The following GLIS3 variants were observed in gnomAD, a reference collection of about 807,000 sequenced individuals.
GLIS3 encodes zinc finger protein GLIS3.
In GLIS3, 53 loss-of-function variants were observed where a neutral mutation model predicts 78.6. The observed-to-expected ratio is 0.67, with a 90% confidence interval of 0.54 to 0.85. The LOEUF (loss-of-function observed/expected upper bound fraction) is 0.85, where lower values mean the gene tolerates loss of function less well. Among genes scored for constraint, GLIS3 ranks in the 40% least tolerant of loss-of-function variants. The probability of loss-of-function intolerance (pLI) is 0.00; values close to 1 mark genes in which losing one functional copy is unlikely to be tolerated. For synonymous variants in GLIS3, 684 were observed against 509.9 expected (o/e 1.34, Z -4.60); for missense variants, 1,703 against 1,231.1 (o/e 1.38, Z -5.74).
intron 4 of GLIS3, among the ~76,000 whole-genome samples, chr9:3,938,201 CA>C (rs1438804303): frequency 6.6e-6 from 1 of 152,128 alleles, no homozygotes; most frequent in Non-Finnish European, 1.5e-5. Flanking sequence ...GTTTTAATCC[CA>C]TTTGAGTTCT....
Position 4,051,491 on chromosome 9 carries a change from C to T in GLIS3, c.1710+66277G>A, listed in dbSNP as rs1825745614. ...CCTTGAAAAATGTAGCCAAACATAT[C>T]TCCACCTCCTAATAACTATGTGGAT... is the stretch of plus-strand genomic sequence containing the variant. On this transcript the variant is annotated intron_variant, in intron 4 of 10. Coordinates refer to ENST00000381971, the MANE Select transcript of GLIS3 (RefSeq NM_001042413.2). 3.9e-5 allele frequency among the ~76,000 whole-genome samples: 6 copies of T among 152,242 alleles called. No individual in the cohort carries two copies. In the South Asian group the frequency reaches 1.2e-3, roughly 32 times the overall value.
At chr9:4,068,002 G>A (rs10758551) in intron 4 of GLIS3, among the ~76,000 whole-genome samples, 62,692 of 151,812 alleles carry the variant, frequency 0.41, 14,259 homozygotes, top group African/African-American at 0.59. Flanking sequence ...TATAAAGTCA[G>A]AGAGCATTAT....
At chr9:4,391,863 C>T in the GLIS3 span, among the ~76,000 whole-genome samples, 2 of 152,228 alleles carry the variant, frequency 1.3e-5, no homozygotes, top group African/African-American at 4.8e-5. Context: ...AGACCTAGAA[C>T]CAGAAATACC....
At chr9:3,935,525 A>G (rs1214494389) in intron 5 of GLIS3, among the ~76,000 whole-genome samples, 1 of 152,186 alleles carries the variant, frequency 6.6e-6, no homozygotes, top group Non-Finnish European at 1.5e-5. Flanking sequence ...GGCAGTGCGA[A>G]ACCATAACAC....
Position 4,051,885 on chromosome 9 carries a change from T to C in GLIS3, c.1710+65883A>G, listed in dbSNP as rs189092592. On this transcript the variant is annotated intron_variant, in intron 4 of 10. Coordinates refer to ENST00000381971, the MANE Select transcript of GLIS3 (RefSeq NM_001042413.2). ...GTATTTATTTTAGGTGCTGGAACAG[T>C]GGAAGGTACTAACGTTTATAGATGA... Among the ~76,000 whole-genome samples the C allele has an allele frequency of 1.2e-4, 19 of 152,318 alleles. No individual in the cohort carries two copies. In the East Asian group the frequency reaches 3.3e-3, roughly 26 times the overall value.
chr9:3,829,500 G>A lies in GLIS3; in HGVS notation c.2474-8C>T, dbSNP rs780719069. The A allele has an allele frequency of 2.5e-5, 41 of 1,613,766 alleles. 1 individual carries two copies. Among genetic ancestry groups the A allele is most frequent in the Admixed American group, 2.0e-4 (12 of 59,990 alleles). ...GCAGCTGCCCATAAAATCCTGAAAC[G>A]CAAGCATGGCATTGAGCACAAGTTC... On this transcript the variant is annotated splice_region_variant and splice_polypyrimidine_tract_variant and intron_variant, in intron 9 of 10. Coordinates refer to ENST00000381971, the MANE Select transcript of GLIS3 (RefSeq NM_001042413.2).
intron 2 of GLIS3, among the ~76,000 whole-genome samples, chr9:4,332,026 G>T (rs1027778512): frequency 6.6e-6 from 1 of 152,118 alleles, no homozygotes; most frequent in South Asian, 2.1e-4. Flanking sequence ...ACAGAAACCT[G>T]TTATCCCTAA....
intron 1 of GLIS3, among the ~76,000 whole-genome samples, chr9:4,296,165 A>G (rs1302044616): frequency 6.6e-6 from 1 of 152,148 alleles, no homozygotes; most frequent in East Asian, 1.9e-4. Context: ...TATGTATTCT[A>G]TAATCTGGGA....
At chr9:4,411,346 A>T in the GLIS3 span, among the ~76,000 whole-genome samples, 2 of 152,138 alleles carry the variant, frequency 1.3e-5, no homozygotes, top group Non-Finnish European at 2.9e-5. Context: ...CGACCTCCCA[A>T]CTGTAAAAAG....
intron 4 of GLIS3, among the ~76,000 whole-genome samples, chr9:4,009,771 G>C (rs116749342): frequency 0.018 from 2,738 of 152,296 alleles, 87 homozygotes; most frequent in African/African-American, 0.062. Flanking sequence ...CACAGGAAAA[G>C]CCTCCTGCCC....
At chr9:4,177,712 T>C (rs1342193662) in intron 2 of GLIS3, among the ~76,000 whole-genome samples, 6 of 152,354 alleles carry the variant, frequency 3.9e-5, no homozygotes, top group East Asian at 1.9e-4. Flanking sequence ...AAAGCCAGCA[T>C]CCAAGAGACA....
intron 6 of GLIS3, among the ~76,000 whole-genome samples, chr9:3,930,908 G>A (rs1444670441): frequency 2.0e-5 from 3 of 152,052 alleles, no homozygotes; most frequent in Non-Finnish European, 4.4e-5. Flanking sequence ...AATAATAGAC[G>A]GTGGTTCTGC....
At chr9:4,476,818 T>C in the GLIS3 span, among the ~76,000 whole-genome samples, 2 of 152,102 alleles carry the variant, frequency 1.3e-5, no homozygotes, top group Non-Finnish European at 2.9e-5. Flanking sequence ...ATTTCTAAAG[T>C]GTAGCCACAA....
chr9:4,077,759 CTA>C (rs1828205037), intron 4 of GLIS3, among the ~76,000 whole-genome samples: 1 of 152,156 alleles, frequency 6.6e-6, no homozygotes, highest in Non-Finnish European at 1.5e-5. Context: ...CGTCCCTCCA[CTA>C]AAGGTTCTTC....
chr9:4,294,769 A>C (rs1304059566), intron 1 of GLIS3, among the ~76,000 whole-genome samples: 1 of 152,184 alleles, frequency 6.6e-6, no homozygotes, highest in African/African-American at 2.4e-5. Flanking sequence ...AGATTGTTTT[A>C]CACCTATATA....
At chr9:4,244,026 C>T (rs1823572459) in intron 2 of GLIS3, among the ~76,000 whole-genome samples, 1 of 152,246 alleles carries the variant, frequency 6.6e-6, no homozygotes, top group Admixed American at 6.5e-5. Flanking sequence ...GCCTCAACCC[C>T]CATGCACATA....
Position 4,118,167 on chromosome 9 carries a change from C to T in GLIS3, c.1311G>A (p.Pro437=), listed in dbSNP as rs781662073. ...CGGGGGGTAGGTCTACGGTGCTGCCCGGGAACTCCTCCAGGCGTTCGGTCT... is the reference window on the plus strand; with the variant it reads ...CGGGGGGTAGGTCTACGGTGCTGCCTGGGAACTCCTCCAGGCGTTCGGTCT... ...LFKTERLEEF[P]GSTVDLPPAP... is the part of the protein sequence containing the mutation. Residue 437 remains proline, a synonymous_variant, in exon 4 of 11, where the codon CCG becomes CCA. Transcript: ENST00000381971. This position sits in a 1 kb window ranked among gnomAD's most constrained non-coding sequence, Gnocchi z 4.7. The T allele has an allele frequency of 6.4e-6, 10 of 1,565,922 alleles. No homozygotes were observed. In the Admixed American group the frequency reaches 7.2e-5, roughly 11 times the overall value.
At chr9:4,126,713 T>C (rs1309143743) in intron 2 of GLIS3, among the ~76,000 whole-genome samples, 3 of 152,236 alleles carry the variant, frequency 2.0e-5, no homozygotes, top group Non-Finnish European at 2.9e-5. Flanking sequence ...CCATGACTCA[T>C]TTATAAAAAA....
chr9:4,298,222 C>A (rs902899613), intron 1 of GLIS3, among the ~76,000 whole-genome samples: 4 of 152,062 alleles, frequency 2.6e-5, no homozygotes, highest in Admixed American at 2.0e-4. Context: ...GGCGCCACGG[C>A]CGGGCTCGCA....
Sources: gnomAD v4.1 joint callset for allele counts (sites outside exome capture counted in the v4.1 genomes callset) on GRCh38, gnomAD v4.1.1 for gene constraint, Gnocchi (gnomAD v3.1) non-coding constraint, MANE v1.5 for transcripts, NCBI Gene and HGNC (gene_info 2026-07-23, HGNC 2026-07-21) for gene names.